The following GABRA5 variants were observed in gnomAD, a reference collection of about 807,000 sequenced individuals.
GABRA5 encodes the protein gamma-aminobutyric acid receptor subunit alpha-5.
In GABRA5, 18 loss-of-function variants were observed where a neutral mutation model predicts 47.3. The observed-to-expected ratio is 0.38, with a 90% CI of 0.26 to 0.56. The LOEUF (loss-of-function observed/expected upper bound fraction) is 0.56, where lower values mean the gene tolerates loss of function less well. Among genes scored for constraint, GABRA5 ranks in the 20% least tolerant of loss-of-function variants. The pLI is 0.71. For missense variants in GABRA5, 365 were observed against 599.3 expected (o/e 0.61, Z 4.08); for synonymous variants, 237 against 229.3 (o/e 1.03, Z -0.30).
At position 26,883,591 on chromosome 15, in the gene GABRA5, G is replaced by C. The variant is rs1159024814; in HGVS notation, c.497+34G>C. 6 of 1,454,354 alleles carry C rather than the reference G, an allele frequency of 4.1e-6. No homozygotes were observed. The highest frequency in any genetic ancestry group is 5.6e-6 in the Non-Finnish European group (6 of 1,069,376). The allele number at this position is 1,454,354 out of a possible 1,614,324, so 90.1% of individuals were successfully genotyped here. A position where few individuals can be genotyped will look rare whatever the true frequency, so the allele number is the denominator to read the frequency against. ...CGGGCGGGGGCGGGCGGGGCCGGGGGACGGTGCGGGGCAGGCGCGGCTGCC... is the reference window on the plus strand; with the variant it reads ...CGGGCGGGGGCGGGCGGGGCCGGGGCACGGTGCGGGGCAGGCGCGGCTGCC... On this transcript the variant is annotated intron_variant, in intron 6 of 10. Coordinates refer to ENST00000335625, the MANE Select transcript of GABRA5 (RefSeq NM_000810.4). The surrounding 1 kb of genome is among the most constrained non-coding windows in gnomAD (Gnocchi z 4.8).
intron 7 of GABRA5, among the ~76,000 whole-genome samples, chr15:26,932,274 G>GA (rs1319846638): frequency 2.6e-5 from 4 of 151,636 alleles, no homozygotes; most frequent in Non-Finnish European, 1.5e-5. Flanking sequence ...AATTTGCAAG[G>GA]AAAAAAACAA....
chr15:26,931,533 C>T (rs1894108387), intron 7 of GABRA5, among the ~76,000 whole-genome samples: 1 of 152,192 alleles, frequency 6.6e-6, no homozygotes, highest in Non-Finnish European at 1.5e-5. Context: ...AAGACACAAA[C>T]TTTCAGTCTA....
intron 6 of GABRA5, among the ~76,000 whole-genome samples, chr15:26,894,118 G>A (rs1021918686): frequency 8.5e-5 from 13 of 152,126 alleles, no homozygotes; most frequent in Non-Finnish European, 7.4e-5. Context: ...GCAGCGGCCC[G>A]GGCAGAAGCC....
chr15:26,942,442 C>T (rs1894406688), intron 9 of GABRA5, among the ~76,000 whole-genome samples: 1 of 152,232 alleles, frequency 6.6e-6, no homozygotes, highest in Non-Finnish European at 1.5e-5. Flanking sequence ...GCTTCTGTTA[C>T]TCTCTGGCTC....
intron 10 of GABRA5, among the ~76,000 whole-genome samples, chr15:26,945,851 A>G (rs949714157): frequency 1.3e-5 from 2 of 151,796 alleles, no homozygotes; most frequent in African/African-American, 4.8e-5. Flanking sequence ...TTCCCAGTAA[A>G]AACGCACACC....
chr15:26,870,599 G>T lies in GABRA5; in HGVS notation c.86+1265G>T, dbSNP rs534574446. ...ATTCCCTTGGGAAAGAGCATTGGCC[G>T]TGGCTCTTGCCTTGCTTATCTTGAG... On this transcript the variant is annotated intron_variant, in intron 3 of 10. Coordinates refer to ENST00000335625, the MANE Select transcript of GABRA5 (RefSeq NM_000810.4). 6.6e-5 allele frequency among the ~76,000 whole-genome samples: 10 copies of T among 152,174 alleles called. 1 individual carries two copies. The South Asian group carries it at 2.1e-3, about 32-fold the overall frequency.
chr15:26,890,075 C>A (rs562496394), intron 6 of GABRA5, among the ~76,000 whole-genome samples: 1 of 152,222 alleles, frequency 6.6e-6, no homozygotes, highest in African/African-American at 2.4e-5. Flanking sequence ...ATGTGGTTAT[C>A]CTGTGTTTAT....
chr15:26,888,382 A>G (rs1892929277), intron 6 of GABRA5, among the ~76,000 whole-genome samples: 1 of 152,240 alleles, frequency 6.6e-6, no homozygotes, highest in South Asian at 2.1e-4. Context: ...GCCCAGAATT[A>G]GGCTTCCAGC....
At chr15:26,903,319 G>A (rs1893368320) in intron 6 of GABRA5, among the ~76,000 whole-genome samples, 2 of 152,066 alleles carry the variant, frequency 1.3e-5, no homozygotes, top group Non-Finnish European at 2.9e-5. Flanking sequence ...AGTATTCCAT[G>A]GTGTATATGT....
chr15:26,877,766 C>A (rs1892633259), intron 3 of GABRA5: 1 of 428,660 alleles, frequency 2.3e-6, no homozygotes, highest in African/African-American at 2.1e-5. Flanking sequence ...AGAGAATATG[C>A]ATTCAATATA....
At chr15:26,902,614 A>T (rs1209624132) in intron 6 of GABRA5, among the ~76,000 whole-genome samples, 1 of 151,916 alleles carries the variant, frequency 6.6e-6, no homozygotes, top group African/African-American at 2.4e-5. Flanking sequence ...TTTTTTCTTT[A>T]ATCTATATAA....
rs368760892 is a variant in GABRA5 at position 26,898,730 on chromosome 15, CTT to C, written c.497+15186_497+15187del. Among the ~76,000 whole-genome samples, 1,408 of 142,476 alleles carry C rather than the reference CTT, an allele frequency of 9.9e-3. 6 individuals are homozygous for C. The highest frequency in any genetic ancestry group is 0.013 in the Non-Finnish European group (860 of 65,284). The allele number at this position is 142,476 out of a possible 152,430, so 93.5% of individuals were successfully genotyped here. ...CAGTTATCTTTGGGCTTAGCGTGCT[CTT>C]TTTTTTTTTTTTCTAATGTGTAAAG... On this transcript the variant is annotated intron_variant, in intron 6 of 10. Coordinates refer to ENST00000335625, the MANE Select transcript of GABRA5 (RefSeq NM_000810.4).
Position 26,883,580 on chromosome 15 carries a change from CG to C in GABRA5, c.497+27del, listed in dbSNP as rs539255264. 332 of 529,088 alleles carry C rather than the reference CG, an allele frequency of 6.3e-4. 1 individual carries two copies. In the African/African-American group the frequency reaches 6.4e-3, roughly 10 times the overall value. 32.8% of individuals were successfully genotyped at this position (529,088 alleles called of 1,614,324 possible). ...GCGGTGAGCGCCGGGCGGGGGCGGG[CG>C]GGGCCGGGGGACGGTGCGGGGCAGG... On this transcript the variant is annotated intron_variant, in intron 6 of 10. Transcript: ENST00000335625. The surrounding 1 kb of genome is among the most constrained non-coding windows in gnomAD (Gnocchi z 4.8).
At chr15:26,873,962 T>C (rs7171458) in intron 3 of GABRA5, among the ~76,000 whole-genome samples, 100,254 of 152,058 alleles carry the variant, frequency 0.66, 33,079 homozygotes, top group East Asian at 0.73. Context: ...TAAATAATTC[T>C]CAGTTATCTG....
At chr15:26,945,806 C>T (rs929499878) in intron 10 of GABRA5, among the ~76,000 whole-genome samples, 15 of 152,052 alleles carry the variant, frequency 9.9e-5, no homozygotes, top group African/African-American at 2.7e-4. Context: ...GGCGGGTGCT[C>T]CCTGCCACCC....
intron 6 of GABRA5, among the ~76,000 whole-genome samples, chr15:26,902,954 T>A (rs1893360200): frequency 6.6e-6 from 1 of 152,184 alleles, no homozygotes; most frequent in Admixed American, 6.6e-5. Context: ...AATTGATTTT[T>A]GTTTTTTAAA....
At chr15:26,920,637 C>A (rs1893821685) in intron 7 of GABRA5, among the ~76,000 whole-genome samples, 1 of 151,964 alleles carries the variant, frequency 6.6e-6, no homozygotes, top group African/African-American at 2.4e-5. Flanking sequence ...TATCCCTGTT[C>A]CTCATTTCTT....
chr15:26,881,592 C>T (rs1169724212), intron 4 of GABRA5, among the ~76,000 whole-genome samples: 3 of 152,174 alleles, frequency 2.0e-5, no homozygotes, highest in African/African-American at 4.8e-5. Context: ...TGTGCAATCC[C>T]CTTGGCTCTA....
chr15:26,921,606 C>G (rs1893844503), intron 7 of GABRA5, among the ~76,000 whole-genome samples: 1 of 151,950 alleles, frequency 6.6e-6, no homozygotes, highest in Admixed American at 6.6e-5. Flanking sequence ...TTTCTGCTTT[C>G]ATCTTTTTAT....
Sources: gnomAD v4.1 joint callset for allele counts (sites outside exome capture counted in the v4.1 genomes callset) on GRCh38, gnomAD v4.1.1 for gene constraint, Gnocchi (gnomAD v3.1) non-coding constraint, MANE v1.5 for transcripts, NCBI Gene and HGNC (gene_info 2026-07-23, HGNC 2026-07-21) for gene names.